The following SLC26A4 variants were observed in gnomAD, a reference collection of about 807,000 sequenced individuals.
SLC26A4 encodes the protein pendrin.
In SLC26A4, 93 loss-of-function variants were observed where a neutral mutation model predicts 90.4. That is an observed-to-expected ratio of 1.03 (90% CI 0.87 to 1.22). The LOEUF is 1.22. SLC26A4 is among the 50% of genes most tolerant of loss of function. The probability of loss-of-function intolerance (pLI) is 0.00; values close to 1 mark genes in which losing one functional copy is unlikely to be tolerated. For missense variants in SLC26A4, 1,127 were observed against 946.2 expected, an observed-to-expected ratio of 1.19 and a Z score of -2.51; for synonymous variants, 393 against 354.6, an observed-to-expected ratio of 1.11 and a Z score of -1.22.
At chr7:107,685,959 A>G (rs559426904) in intron 8 of SLC26A4, among the ~76,000 whole-genome samples, 1 of 150,952 alleles carries the variant, frequency 6.6e-6, no homozygotes, top group South Asian at 2.1e-4. Flanking sequence ...ATCCCTATTC[A>G]CTCTCTTGCC....
intron 8 of SLC26A4, among the ~76,000 whole-genome samples, chr7:107,684,737 T>C (rs534684022): frequency 3.3e-5 from 5 of 152,344 alleles, no homozygotes; most frequent in South Asian, 4.1e-4. Context: ...CAAGTGATTC[T>C]TGCCCTCAAG....
intron 3 of SLC26A4, among the ~76,000 whole-genome samples, chr7:107,670,211 G>A (rs1790826156): frequency 6.6e-6 from 1 of 151,130 alleles, no homozygotes; most frequent in South Asian, 2.1e-4. Flanking sequence ...CTGGGTTCAA[G>A]CAGTTCTCTG....
chr7:107,669,186 G>A (rs1790797647), intron 3 of SLC26A4, among the ~76,000 whole-genome samples: 1 of 152,052 alleles, frequency 6.6e-6, no homozygotes, highest in African/African-American at 2.4e-5. Flanking sequence ...TTGAACTCCT[G>A]GCCTCAGTGA....
At chr7:107,707,351 A>T (rs6466178) in intron 18 of SLC26A4, among the ~76,000 whole-genome samples, 77,831 of 152,040 alleles carry the variant, frequency 0.51, 20,114 homozygotes, top group East Asian at 0.63. Context: ...TTTAATTCCA[A>T]CGAATGGTAT....
intron 6 of SLC26A4, 128 bp from the exon 7 acceptor site, chr7:107,683,074 T>A: frequency 1.4e-6 from 1 of 722,768 alleles, no homozygotes; most frequent in Middle Eastern, 3.9e-4. Flanking sequence ...TTGAGTGTTG[T>A]TTGATGCTGA....
intron 6 of SLC26A4, among the ~76,000 whole-genome samples, chr7:107,677,896 A>T (rs909235563): frequency 6.6e-6 from 1 of 152,154 alleles, no homozygotes; most frequent in South Asian, 2.1e-4. Context: ...GGATTAAAGG[A>T]GTGAGCCACC....
Position 107,711,652 on chromosome 7 carries a change from G to A in SLC26A4, c.2236-887G>A, listed in dbSNP as rs538926218. On this transcript the variant is annotated intron_variant, in intron 19 of 20. Coordinates refer to ENST00000644269, the MANE Select transcript of SLC26A4 (RefSeq NM_000441.2). ...CAGAGTCTAGCACAAAGCTTTATAT[G>A]TGATAAGTAGGTGAATGATGATAAA... Among the ~76,000 whole-genome samples, 5 of 152,328 alleles carry A rather than the reference G, an allele frequency of 3.3e-5. No individual in the cohort carries two copies. In the South Asian group the frequency reaches 1.0e-3, roughly 32 times the overall value.
chr7:107,683,665 T>C, intron 8 of SLC26A4, 128 bp downstream of exon 8: 1 of 773,408 alleles, frequency 1.3e-6, no homozygotes, highest in South Asian at 1.7e-5. Context: ...TTGTGTGTGA[T>C]CTGGAAGAAA....
At chr7:107,692,668 C>A (rs1314010014) in intron 10 of SLC26A4, among the ~76,000 whole-genome samples, 2 of 152,122 alleles carry the variant, frequency 1.3e-5, no homozygotes, top group East Asian at 1.9e-4. Context: ...AACATTGGAA[C>A]CTTTTCTTTC....
intron 6 of SLC26A4, among the ~76,000 whole-genome samples, chr7:107,682,197 TG>T (rs1327980296): frequency 2.7e-5 from 4 of 150,926 alleles, no homozygotes; most frequent in African/African-American, 9.8e-5. Flanking sequence ...TTCCCAAAAA[TG>T]TATGCTTGTC....
rs113237951 is a variant in SLC26A4, at chr7:107,709,944, A to C, written c.2090-110A>C. The C allele has an allele frequency of 7.1e-3, 6,084 of 851,202 alleles. 231 individuals are homozygous for C. The African/African-American group carries it at 0.085, about 12-fold the overall frequency. 52.7% of individuals were successfully genotyped at this position (851,202 alleles called of 1,614,324 possible). On this transcript the variant is annotated intron_variant, in intron 18 of 20. Transcript: ENST00000644269. The stretch of plus-strand genomic sequence containing the variant: ...TTGGGACGCGGAGGTTGCAGTGAGC[A>C]ATGATGCCACTGCACTCCAGCCTGG...
intron 10 of SLC26A4, among the ~76,000 whole-genome samples, chr7:107,691,107 A>G: frequency 8.9e-6 from 1 of 112,794 alleles, no homozygotes; most frequent in East Asian, 2.9e-4. Flanking sequence ...ACATAGTGCA[A>G]TACACACACA....
Position 107,701,853 on chromosome 7 carries a change from A to C in SLC26A4, c.1830A>C (p.Ser610=). The C allele has an allele frequency of 6.2e-7, 1 of 1,611,530 alleles. No individual in the cohort carries two copies. The highest frequency in any genetic ancestry group is 1.1e-5 in the South Asian group (1 of 91,036). The change falls in exon 17 of 21, where the codon TCA becomes TCC. Residue 610 remains serine, a synonymous_variant. Transcript: ENST00000644269. ...TKNGIISDAV[S]TNNAFEPDED... is the part of the protein sequence containing the mutation. ...ATGGCATCATAAGTGATGCTGTTTC[A>C]ACAAATAATGCTTTTGAGCCTGATG...
intron 3 of SLC26A4, among the ~76,000 whole-genome samples, chr7:107,668,405 A>T (rs866717636): frequency 2.6e-5 from 4 of 152,116 alleles, no homozygotes; most frequent in African/African-American, 9.7e-5. Flanking sequence ...GATGAGCTGG[A>T]AGGTTTGGAG....
At position 107,696,019 on chromosome 7, in the gene SLC26A4, T is replaced by C. The variant is rs2129317160; in HGVS notation, c.1524T>C (p.Thr508=). ...CTGGCCTTATATTTGGACTGTTGAC[T>C]GTGGTCCTGAGAGTTCAGTTGTGAG... ...LLAGLIFGLL[T]VVLRVQFPSW... Residue 508 remains threonine, a synonymous_variant, in exon 13 of 21, where the codon ACT becomes ACC. Coordinates refer to ENST00000644269, the MANE Select transcript of SLC26A4 (RefSeq NM_000441.2). 1 of 1,606,800 alleles carries C rather than the reference T, an allele frequency of 6.2e-7. No individual in the cohort carries two copies. The highest frequency in any genetic ancestry group is 1.7e-5 in the Admixed American group (1 of 60,006).
At chr7:107,693,313 T>G (rs1791630366) in intron 10 of SLC26A4, 1 of 985,280 alleles carries the variant, frequency 1.0e-6, no homozygotes, top group African/African-American at 1.7e-5. Flanking sequence ...GCACGCTTTT[T>G]AGTACCTCAT....
At chr7:107,708,413 T>C (rs770938774) in intron 18 of SLC26A4, among the ~76,000 whole-genome samples, 1 of 152,196 alleles carries the variant, frequency 6.6e-6, no homozygotes, top group Non-Finnish European at 1.5e-5. Context: ...CTTTTCAATT[T>C]TCTTTATCTC....
Position 107,661,608 on chromosome 7 carries a change from T to A in SLC26A4, c.-3-31T>A. On this transcript the variant is annotated intron_variant, in intron 1 of 20. Transcript: ENST00000644269. The surrounding 1 kb of genome is among the most constrained non-coding windows in gnomAD (Gnocchi z 5.1). ...TCCGATCGTCCTCGCTTACCGCGTGTCCTCCCTCCTCGCTGTCCTCTGGCT... is the reference window on the plus strand; with the variant it reads ...TCCGATCGTCCTCGCTTACCGCGTGACCTCCCTCCTCGCTGTCCTCTGGCT... The A allele has an allele frequency of 6.5e-7, 1 of 1,543,656 alleles. No individual in the cohort carries two copies. Among genetic ancestry groups the A allele is most frequent in the Non-Finnish European group, 8.7e-7 (1 of 1,149,718 alleles).
intron 3 of SLC26A4, among the ~76,000 whole-genome samples, chr7:107,665,993 A>G (rs1026769305): frequency 1.3e-5 from 2 of 152,160 alleles, no homozygotes; most frequent in Admixed American, 6.5e-5. Context: ...TCATTCATTC[A>G]CTTAATAAAT....
Sources: gnomAD v4.1 joint callset for allele counts (sites outside exome capture counted in the v4.1 genomes callset) on GRCh38, gnomAD v4.1.1 for gene constraint, Gnocchi (gnomAD v3.1) non-coding constraint, MANE v1.5 for transcripts, NCBI Gene and HGNC (gene_info 2026-07-23, HGNC 2026-07-21) for gene names.